The following TMEM63C variants were observed in gnomAD, a reference collection of about 807,000 sequenced individuals.
TMEM63C encodes the protein transmembrane protein 63C.
A neutral mutation model predicts 99.2 loss-of-function variants in TMEM63C; 32 were observed. That is an observed-to-expected ratio of 0.32 (90% CI 0.24 to 0.43). The LOEUF is 0.43. TMEM63C is among the 20% of genes least tolerant of loss of function. The pLI is 1.00. For synonymous variants in TMEM63C, 376 were observed against 397.9 expected, an observed-to-expected ratio of 0.94 and a Z score of 0.66; for missense variants, 826 against 1,053.0, an observed-to-expected ratio of 0.78 and a Z score of 2.98.
In TMEM63C at chr14:77,242,431, G is replaced by A; in HGVS notation, c.1149G>A (p.Trp383Ter). 6.2e-7 allele frequency: 1 copy of A among 1,613,886 alleles called. No homozygotes were observed. The highest frequency in any genetic ancestry group is 8.5e-7 in the Non-Finnish European group (1 of 1,179,852). Residue 383 changes from tryptophan to a stop codon, truncating the protein, a stop_gained, in exon 14 of 24, where the codon TGG (tryptophan) becomes TGA (stop). Coordinates refer to ENST00000298351, the MANE Select transcript of TMEM63C (RefSeq NM_020431.4). LOFTEE classifies it high-confidence loss of function. ...CCACCATCGTCAAATCATATTACTG[G>A]AGGGTCACTATGGCCCCACACCCCA... ...SVTTIVKSYYWRVTMAPHPKD... is the reference protein window; with the variant it reads ...SVTTIVKSYY
At chr14:77,189,962 A>C (rs1888075364) in intron 1 of TMEM63C, among the ~76,000 whole-genome samples, 1 of 152,170 alleles carries the variant, frequency 6.6e-6, no homozygotes, top group Non-Finnish European at 1.5e-5. Flanking sequence ...TTGTGTACAT[A>C]GTAAATAGGG....
In TMEM63C at chr14:77,242,408, A is replaced by G; in HGVS notation, c.1126A>G (p.Thr376Ala). 1 of 1,613,460 alleles carries G rather than the reference A, an allele frequency of 6.2e-7. No individual in the cohort carries two copies. The highest frequency in any genetic ancestry group is 8.5e-7 in the Non-Finnish European group (1 of 1,179,818). ...GVQPQQSSVTTIVKSYYWRVT... is the reference protein window; with the variant it reads ...GVQPQQSSVTAIVKSYYWRVT... The stretch of plus-strand genomic sequence containing the variant: ...GCAACCCCAGCAGTCCTCAGTGACC[A>G]CCATCGTCAAATCATATTACTGGAG... The change falls in exon 14 of 24, where the codon ACC becomes GCC. Residue 376 changes from threonine to alanine, a missense_variant. Thr to Ala is a moderately conservative substitution (Grantham distance 58). Coordinates refer to ENST00000298351, the MANE Select transcript of TMEM63C (RefSeq NM_020431.4).
In TMEM63C at chr14:77,236,891, C is replaced by T. The variant is rs571234424; in HGVS notation, c.651+159C>T. Among the ~76,000 whole-genome samples, 279 of 151,824 alleles carry T rather than the reference C, an allele frequency of 1.8e-3. 1 individual carries two copies. The highest frequency in any genetic ancestry group is 6.4e-3 in the African/African-American group (263 of 41,340). On this transcript the variant is annotated intron_variant, in intron 9 of 23. Transcript: ENST00000298351. ...CCTGAGCAGGGGCCAAGCTTCCTCC[C>T]TTCAGTCCTAGTAACAATCACCTGG...
chr14:77,240,407 G>T (rs998269847), intron 12 of TMEM63C, 68 bp from the exon 13 acceptor site: 22 of 1,520,576 alleles, frequency 1.4e-5, no homozygotes, highest in Non-Finnish European at 1.8e-5. Context: ...GAGTGGGGAG[G>T]AACCTCGTGA....
At chr14:77,253,974 G>A (rs972356897) in intron 23 of TMEM63C, among the ~76,000 whole-genome samples, 2 of 152,226 alleles carry the variant, frequency 1.3e-5, no homozygotes, top group South Asian at 2.1e-4. Flanking sequence ...AGCCACCAAT[G>A]CACACACTGA....
chr14:77,245,115 A>T (rs1889247219), intron 16 of TMEM63C, among the ~76,000 whole-genome samples: 1 of 152,248 alleles, frequency 6.6e-6, no homozygotes, highest in Non-Finnish European at 1.5e-5. Context: ...CCTAACGGAA[A>T]TCCTTCCTGG....
At chr14:77,208,295 C>T (rs1396216976) in intron 1 of TMEM63C, among the ~76,000 whole-genome samples, 2 of 152,158 alleles carry the variant, frequency 1.3e-5, no homozygotes, top group Admixed American at 1.3e-4. Context: ...TCAGGAGGGC[C>T]ATTACTGGAG....
At chr14:77,232,227 TG>T (rs1383611168) in intron 7 of TMEM63C, among the ~76,000 whole-genome samples, 1 of 152,202 alleles carries the variant, frequency 6.6e-6, no homozygotes, top group Non-Finnish European at 1.5e-5. Context: ...TACCCACACC[TG>T]CTCCCCAGAA....
In TMEM63C at chr14:77,242,476, C is replaced by T. The variant is rs1334817985; in HGVS notation, c.1187+7C>T. On this transcript the variant is annotated splice_region_variant and intron_variant, in intron 14 of 23. Coordinates refer to ENST00000298351, the MANE Select transcript of TMEM63C (RefSeq NM_020431.4). ...ACCCCAAAGACATTATTTGGTAAGC[C>T]TCCTCCATCCCTCCCCTCTCCTCTG... 3.7e-6 allele frequency: 6 copies of T among 1,613,216 alleles called. 1 individual carries two copies. The highest frequency in any genetic ancestry group is 3.3e-5 in the South Asian group (3 of 90,948).
chr14:77,256,749 G>T lies in TMEM63C; in HGVS notation c.*23G>T. On this transcript the variant is annotated 3_prime_UTR_variant, in exon 24 of 24. Transcript: ENST00000298351. ...TGACCGGGACCTGAGGCCTCCACTG[G>T]CGACTTGTTGAGGGGTCAGGGGAGG... The T allele has an allele frequency of 6.2e-7, 1 of 1,610,524 alleles. No individual in the cohort carries two copies. Among genetic ancestry groups the T allele is most frequent in the East Asian group, 2.2e-5 (1 of 44,810 alleles).
intron 1 of TMEM63C, among the ~76,000 whole-genome samples, chr14:77,199,694 G>T (rs558681725): frequency 1.3e-5 from 2 of 152,256 alleles, no homozygotes; most frequent in South Asian, 4.2e-4. Flanking sequence ...TCTGCCTTGG[G>T]TGTAGGCACC....
rs1888376744 is a variant in TMEM63C at position 77,205,275 on chromosome 14, C to T, written c.-76-8171C>T. Among the ~76,000 whole-genome samples, 4 of 152,310 alleles carry T rather than the reference C, an allele frequency of 2.6e-5. 1 individual carries two copies. In the Middle Eastern group the frequency reaches 0.01, roughly 389 times the overall value. Reference sequence around the variant, plus strand: ...CCAAGTTAAGGAGAGCGAAGAAAGCCCTTCTAGCTGATTCCATCACAGCCT... The same window carrying T: ...CCAAGTTAAGGAGAGCGAAGAAAGCTCTTCTAGCTGATTCCATCACAGCCT... On this transcript the variant is annotated intron_variant, in intron 1 of 23. Coordinates refer to ENST00000298351, the MANE Select transcript of TMEM63C (RefSeq NM_020431.4).
chr14:77,236,632 T>C lies in TMEM63C; in HGVS notation c.551T>C (p.Leu184Pro). 1 of 1,611,990 alleles carries C rather than the reference T, an allele frequency of 6.2e-7. No individual in the cohort carries two copies. Among genetic ancestry groups the C allele is most frequent in the South Asian group, 1.1e-5 (1 of 91,054 alleles). ...TGCCTCCCTCCCTGCAGGAGCAAGC[T>C]CCTGTGGCTGCATAGCCTGCTGTCC... ...TIVNVSTESK[L>P]LWLHSLLSFF... Residue 184 changes from leucine (L) to proline (P), a missense_variant, in exon 9 of 24, where the codon CTC becomes CCC. Transcript: ENST00000298351.
At position 77,224,340 on chromosome 14, in the gene TMEM63C, C is replaced by T. The variant is rs970586545; in HGVS notation, c.313-1084C>T. Among the ~76,000 whole-genome samples the T allele has an allele frequency of 5.9e-5, 9 of 152,070 alleles. No homozygotes were observed. In the East Asian group the frequency reaches 1.6e-3, roughly 26 times the overall value. ...CCTGTGTCAGGTTGGCTGATAGTTG[C>T]TTCCTTTTGGGAAGTACCTCTTCCC... On this transcript the variant is annotated intron_variant, in intron 5 of 23. Coordinates refer to ENST00000298351, the MANE Select transcript of TMEM63C (RefSeq NM_020431.4).
chr14:77,227,667 G>T (rs921506861), intron 6 of TMEM63C, among the ~76,000 whole-genome samples: 1 of 152,244 alleles, frequency 6.6e-6, no homozygotes, highest in Admixed American at 6.5e-5. Context: ...CTCTGGGCTG[G>T]ACTCAGTGAA....
At chr14:77,218,312 G>A (rs1888629396) in intron 2 of TMEM63C, among the ~76,000 whole-genome samples, 1 of 151,882 alleles carries the variant, frequency 6.6e-6, no homozygotes, top group Non-Finnish European at 1.5e-5. Context: ...CCTTACCATG[G>A]CTGGATGGTG....
intron 14 of TMEM63C, 135 bp from the exon 15 acceptor site, chr14:77,242,768 T>C (rs1036536498): frequency 9.5e-7 from 1 of 1,054,044 alleles, no homozygotes. Flanking sequence ...CAGGGTCCTG[T>C]TGCATGCAAG....
chr14:77,248,392 G>T lies in TMEM63C; in HGVS notation c.1647G>T (p.Val549=). 6.2e-7 allele frequency: 1 copy of T among 1,610,130 alleles called. No homozygotes were observed. The highest frequency in any genetic ancestry group is 8.5e-7 in the Non-Finnish European group (1 of 1,178,194). The change falls in exon 19 of 24, where the codon GTG becomes GTT. Residue 549 remains valine (V), a synonymous_variant. Transcript: ENST00000298351. ...PDNGAFFVNY[V]ITAALLGTGM... is the part of the protein sequence containing the mutation. ...ACGGCGCCTTCTTTGTCAACTACGT[G>T]ATCACGGCAGCTTTACTTGGCACAG...
intron 15 of TMEM63C, among the ~76,000 whole-genome samples, chr14:77,244,056 C>A (rs1400544596): frequency 1.3e-5 from 2 of 152,082 alleles, no homozygotes; most frequent in African/African-American, 4.8e-5. Context: ...ACAGCAAAGG[C>A]AATTTGCTGG....
Sources: allele counts gnomAD v4.1 joint callset (sites outside exome capture counted in the v4.1 genomes callset), GRCh38; gene constraint gnomAD v4.1.1; transcripts MANE v1.5; gene names NCBI Gene and HGNC (gene_info 2026-07-23, HGNC 2026-07-21).